GALNT17: variants seen among roughly 807,000 people sequenced by gnomAD.
GALNT17 encodes the protein polypeptide N-acetylgalactosaminyltransferase 17, also known as UDP-GalNAc:polypeptide N-acetylgalactosaminyltransferase-like 3.
GALNT17 carries 29 observed loss-of-function variants against 63.7 expected under a neutral mutation model. That is an observed-to-expected ratio of 0.46 (90% CI 0.34 to 0.62). The LOEUF is 0.62. GALNT17 is among the 20% of genes least tolerant of loss of function. GALNT17 has a pLI of 0.01. For missense variants in GALNT17, 603 were observed against 799.6 expected (o/e 0.75, Z 2.97); for synonymous variants, 305 against 318.3 (o/e 0.96, Z 0.45).
At chr7:71,325,604 G>A (rs530418987) in intron 1 of GALNT17, among the ~76,000 whole-genome samples, 1 of 152,294 alleles carries the variant, frequency 6.6e-6, no homozygotes, top group African/African-American at 2.4e-5. Flanking sequence ...TATGAAGGAA[G>A]GTGGGAAGGC....
At chr7:71,486,019 C>T (rs1787902070) in intron 5 of GALNT17, among the ~76,000 whole-genome samples, 3 of 152,098 alleles carry the variant, frequency 2.0e-5, no homozygotes, top group Admixed American at 2.0e-4. Flanking sequence ...AGCCACTGGA[C>T]TTAATGGGCA....
chr7:71,497,364 G>A (rs1417669558), intron 5 of GALNT17, among the ~76,000 whole-genome samples: 1 of 152,082 alleles, frequency 6.6e-6, no homozygotes, highest in Non-Finnish European at 1.5e-5. Context: ...AAGCAGCGTT[G>A]GTTCTTTCTG....
intron 5 of GALNT17, among the ~76,000 whole-genome samples, chr7:71,555,052 G>A (rs372470794): frequency 7.6e-4 from 115 of 152,210 alleles, no homozygotes; most frequent in Admixed American, 2.1e-3. Context: ...CCAGCATTAC[G>A]TGGTGAGAGA....
intron 6 of GALNT17, among the ~76,000 whole-genome samples, chr7:71,656,889 C>A (rs1331808927): frequency 6.6e-6 from 1 of 152,168 alleles, no homozygotes; most frequent in African/African-American, 2.4e-5. Flanking sequence ...TCCGGGCCAC[C>A]TGCTATAATA....
intron 5 of GALNT17, among the ~76,000 whole-genome samples, chr7:71,479,106 T>G (rs1310737076): frequency 1.3e-5 from 2 of 152,300 alleles, no homozygotes; most frequent in African/African-American, 4.8e-5. Flanking sequence ...CAGCATTGCC[T>G]GCCCTAATTA....
intron 5 of GALNT17, among the ~76,000 whole-genome samples, chr7:71,535,184 T>C (rs556639947): frequency 6.6e-6 from 1 of 152,342 alleles, no homozygotes; most frequent in East Asian, 1.9e-4. Context: ...GAGGCCACAG[T>C]TGTGTTTTTC....
intron 1 of GALNT17, among the ~76,000 whole-genome samples, chr7:71,304,006 T>C (rs2115896307): frequency 6.6e-6 from 1 of 152,364 alleles, no homozygotes; most frequent in Non-Finnish European, 1.5e-5. Context: ...ACTTGCATAT[T>C]TGAGCCAATT....
At chr7:71,683,876 T>C (rs1791307360) in intron 9 of GALNT17, among the ~76,000 whole-genome samples, 2 of 151,498 alleles carry the variant, frequency 1.3e-5, no homozygotes, top group East Asian at 1.9e-4. Context: ...GGTGTGGTGG[T>C]GGGCGCCTGT....
At chr7:71,223,256 T>C (rs937540319) in intron 1 of GALNT17, among the ~76,000 whole-genome samples, 1 of 152,186 alleles carries the variant, frequency 6.6e-6, no homozygotes, top group Non-Finnish European at 1.5e-5. Flanking sequence ...GCAGTCTAAG[T>C]GGTGCGTTTC....
intron 1 of GALNT17, among the ~76,000 whole-genome samples, chr7:71,148,052 G>T (rs1365676695): frequency 6.6e-6 from 1 of 152,136 alleles, no homozygotes; most frequent in Non-Finnish European, 1.5e-5. Context: ...TTTAGCCCTT[G>T]TTCATCTCTG....
At chr7:71,323,246 A>C (rs926562422) in intron 1 of GALNT17, among the ~76,000 whole-genome samples, 2 of 152,194 alleles carry the variant, frequency 1.3e-5, no homozygotes, top group Non-Finnish European at 2.9e-5. Context: ...ATTTATTTGA[A>C]CTATAAACCA....
chr7:71,544,336 G>A (rs374230458), intron 5 of GALNT17, among the ~76,000 whole-genome samples: 31 of 148,288 alleles, frequency 2.1e-4, no homozygotes, highest in African/African-American at 7.2e-4. Context: ...TAGAGACGGG[G>A]TTTCACTGTG....
chr7:71,658,605 C>T (rs975795280), intron 6 of GALNT17, among the ~76,000 whole-genome samples: 8 of 152,176 alleles, frequency 5.3e-5, no homozygotes, highest in African/African-American at 9.6e-5. Flanking sequence ...AAAAATCCCT[C>T]GGCCAGGTGC....
chr7:71,157,826 C>T (rs2116238469), intron 1 of GALNT17, among the ~76,000 whole-genome samples: 1 of 151,760 alleles, frequency 6.6e-6, no homozygotes, highest in Middle Eastern at 3.4e-3. Flanking sequence ...TACTCTCTGT[C>T]TTCATGAGGT....
chr7:71,430,040 T>G, intron 5 of GALNT17, among the ~76,000 whole-genome samples: 1 of 152,134 alleles, frequency 6.6e-6, no homozygotes, highest in Admixed American at 6.5e-5. Flanking sequence ...AAGTCAGGGG[T>G]CTTGCTATGT....
At chr7:71,300,608 AC>A (rs1554350330) in intron 1 of GALNT17, 11 of 259,462 alleles carry the variant, frequency 4.2e-5, no homozygotes, top group Non-Finnish European at 7.1e-5. Context: ...GTGCACATAC[AC>A]ACAACCACAC....
At chr7:71,579,003 T>G (rs981429343) in intron 6 of GALNT17, among the ~76,000 whole-genome samples, 1 of 152,230 alleles carries the variant, frequency 6.6e-6, no homozygotes, top group Non-Finnish European at 1.5e-5. Context: ...ATTTGCATCA[T>G]GGTCCATCCC....
chr7:71,515,568 GA>G lies in GALNT17; in HGVS notation c.963-55716del, dbSNP rs373635469. Among the ~76,000 whole-genome samples, 599 of 152,246 alleles carry G rather than the reference GA, an allele frequency of 3.9e-3. 2 individuals carry two copies. The highest frequency in any genetic ancestry group is 0.017 in the Middle Eastern group (5 of 294). The stretch of plus-strand genomic sequence containing the variant: ...TCCCTGAGGTTCTGATTAGACCCTG[GA>G]TAGCACCCGCACTCCCTACTCATGG... On this transcript the variant is annotated intron_variant, in intron 5 of 10. Coordinates refer to ENST00000333538, the MANE Select transcript of GALNT17 (RefSeq NM_022479.3).
At chr7:71,561,052 G>T (rs568295916) in intron 5 of GALNT17, among the ~76,000 whole-genome samples, 1 of 152,018 alleles carries the variant, frequency 6.6e-6, no homozygotes, top group African/African-American at 2.4e-5. Flanking sequence ...TCGCTCTGTC[G>T]GCCAGGCTGG....
Sources: allele counts gnomAD v4.1 joint callset (sites outside exome capture counted in the v4.1 genomes callset), GRCh38; gene constraint gnomAD v4.1.1; transcripts MANE v1.5; gene names NCBI Gene and HGNC (gene_info 2026-07-23, HGNC 2026-07-21).